Variants in SPO11 observed in about 807,000 individuals in gnomAD.
SPO11 encodes the protein meiotic recombination protein SPO11.
A neutral mutation model predicts 51.6 loss-of-function variants in SPO11; 49 were observed. The ratio of observed to expected loss-of-function variants is 0.95; its 90% CI spans 0.75 to 1.20. SPO11 has a LOEUF of 1.20. Among genes scored for constraint, SPO11 ranks in the 50% most tolerant of loss-of-function variants. The pLI is 0.00. For synonymous variants in SPO11, 176 were observed against 158.2 expected, an observed-to-expected ratio of 1.11 and a Z score of -0.84; for missense variants, 431 against 473.4, an observed-to-expected ratio of 0.91 and a Z score of 0.83.
Position 57,335,888 on chromosome 20 carries a change from C to G in SPO11, c.725C>G (p.Ser242Cys). 2 of 1,606,272 alleles carry G rather than the reference C, an allele frequency of 1.2e-6. No individual in the cohort carries two copies. The highest frequency in any genetic ancestry group is 1.7e-6 in the Non-Finnish European group (2 of 1,173,350). The change falls in exon 8 of 13, where the codon TCT becomes TGT. Residue 242 changes from serine to cysteine, a missense_variant. By Grantham distance (112) the Ser-to-Cys change is moderately radical. Around this residue, in one of 3 missense-constraint regions of SPO11, gnomAD observed 405 missense variants for 425.9 expected, o/e 0.95. Transcript: ENST00000371263. ...GATGACAACTTTTGCAACAAATTGT[C>G]TCCTTGCATCATGATTACGGTATAT... Reference protein sequence around the residue: ...LLDDNFCNKLSPCIMITGKGV... With the variant: ...LLDDNFCNKLCPCIMITGKGV...
chr20:57,341,180 T>G (rs2066577170), intron 11 of SPO11, among the ~76,000 whole-genome samples: 1 of 152,266 alleles, frequency 6.6e-6, no homozygotes, highest in African/African-American at 2.4e-5. Flanking sequence ...TAACTCTAGA[T>G]GTGCTAGTGT....
chr20:57,336,914 A>G (rs1461668202), intron 8 of SPO11, among the ~76,000 whole-genome samples: 1 of 152,160 alleles, frequency 6.6e-6, no homozygotes, highest in Admixed American at 6.5e-5. Flanking sequence ...CGTCACTTTA[A>G]TAATGGGGTA....
chr20:57,342,931 C>T, intron 12 of SPO11, 91 bp downstream of exon 12: 1 of 896,472 alleles, frequency 1.1e-6, no homozygotes, highest in Non-Finnish European at 1.8e-6. Context: ...AAATATCCCT[C>T]TTGAAATTTT....
In SPO11 at chr20:57,329,994, T is replaced by C; in HGVS notation, c.127T>C (p.Ser43Pro). ...CCCAACTGGGGGAAGCCGCCTGGCC[T>C]CCAGGTACAGGAGCTGGTGCCGAGG... is the stretch of plus-strand genomic sequence containing the variant. ...EPPTGGSRLA[S>P]SSEVLASIEN... The change falls in exon 1 of 13, where the codon TCC (serine) becomes CCC (proline). Residue 43 changes from serine (S) to proline (P), a missense_variant. Coordinates refer to ENST00000371263, the MANE Select transcript of SPO11 (RefSeq NM_012444.3). The C allele has an allele frequency of 1.3e-6, 2 of 1,597,168 alleles. No homozygotes were observed. Among genetic ancestry groups the C allele is most frequent in the East Asian group, 2.3e-5 (1 of 44,428 alleles).
chr20:57,339,147 G>A, intron 10 of SPO11, 121 bp downstream of exon 10: 3 of 545,268 alleles, frequency 5.5e-6, no homozygotes, highest in Non-Finnish European at 9.4e-6. Context: ...GTACCTGAGG[G>A]CCTAGTATCC....
intron 3 of SPO11, 109 bp downstream of exon 3, chr20:57,333,385 C>G (rs932418976): frequency 2.8e-6 from 2 of 713,514 alleles, no homozygotes; most frequent in Admixed American, 6.6e-5. Flanking sequence ...TAATAGATCA[C>G]TTTCATACAT....
rs1195156563 is a variant in SPO11 at position 57,331,850 on chromosome 20, C to G, written c.149C>G (p.Ser50Cys). The change falls in exon 2 of 13, where the codon TCT (serine) becomes TGT (cysteine). Residue 50 changes from serine to cysteine, a missense_variant. Physicochemically the swap from Ser to Cys is moderately radical, Grantham distance 112 (BLOSUM62 -1). Around this residue, in one of 3 missense-constraint regions of SPO11, gnomAD observed 405 missense variants for 425.9 expected, o/e 0.95. Transcript: ENST00000371263. ...TGTTTCAGTTCTGAGGTTCTTGCAT[C>G]TATAGAAAATATTATCCAAGACATA... ...RLASSSEVLA[S>C]IENIIQDIIT... is the part of the protein sequence containing the mutation. 6.3e-7 allele frequency: 1 copy of G among 1,589,052 alleles called. No individual in the cohort carries two copies. The highest frequency in any genetic ancestry group is 8.6e-7 in the Non-Finnish European group (1 of 1,167,658).
chr20:57,343,418 A>G lies in SPO11; in HGVS notation c.1149A>G (p.Arg383=), dbSNP rs576700689. ...TCCTATCATCAGATTATCTTTCCAGAGTGTACTTACCTAACAAATTAAAAT... is the reference window on the plus strand; with the variant it reads ...TCCTATCATCAGATTATCTTTCCAGGGTGTACTTACCTAACAAATTAAAAT... ...LTFLSSDYLS[R]VYLPNKLKFG... Residue 383 remains arginine, a synonymous_variant, in exon 13 of 13, where the codon AGA becomes AGG. Coordinates refer to ENST00000371263, the MANE Select transcript of SPO11 (RefSeq NM_012444.3). 7 of 1,611,260 alleles carry G rather than the reference A, an allele frequency of 4.3e-6. No homozygotes were observed. In the East Asian group the frequency reaches 8.9e-5, roughly 21 times the overall value.
In SPO11 at chr20:57,334,095, A is replaced by C. The variant is rs1378861204; in HGVS notation, c.510A>C (p.Ile170=). 7 of 1,382,156 alleles carry C rather than the reference A, an allele frequency of 5.1e-6. No individual in the cohort carries two copies. Among genetic ancestry groups the C allele is most frequent in the Non-Finnish European group, 7.1e-6 (7 of 992,888 alleles). The allele number at this position is 1,382,156 out of a possible 1,614,324, so 85.6% of individuals were successfully genotyped here. A position where few individuals can be genotyped will look rare whatever the true frequency, so the allele number is the denominator to read the frequency against. Residue 170 remains isoleucine (I), a splice_region_variant and synonymous_variant, in exon 5 of 13, where the codon ATA becomes ATC. Transcript: ENST00000371263. ...AAGTGTCAAGGAGGAGTCTACATAT[A>C]GTAAGTAGTACCTAATACAAAACAT... is the stretch of plus-strand genomic sequence containing the variant. The part of the protein sequence containing the change: ...MLKVSRRSLH[I]LSTSKGLIAG...
intron 2 of SPO11, 134 bp downstream of exon 2, chr20:57,332,080 A>G: frequency 1.9e-6 from 1 of 515,440 alleles, no homozygotes; most frequent in Non-Finnish European, 3.3e-6. Flanking sequence ...TAGGAAGTTT[A>G]CGAAATACAT....
intron 3 of SPO11, among the ~76,000 whole-genome samples, chr20:57,333,481 G>A (rs188440288): frequency 1.3e-5 from 2 of 152,268 alleles, no homozygotes; most frequent in East Asian, 3.9e-4. Context: ...ATGGTTCAGT[G>A]CATAATTATC....
In SPO11 at chr20:57,343,374, G is replaced by T; in HGVS notation, c.1105G>T (p.Glu369Ter). The change falls in exon 13 of 13, where the codon GAA becomes TAA. Residue 369 changes from glutamate to a stop codon, truncating the protein, a stop_gained. Coordinates refer to ENST00000371263, the MANE Select transcript of SPO11 (RefSeq NM_012444.3). LOFTEE classifies it high-confidence loss of function. ...AATGGCAGACTCTAAAATGAAGGCAGAAATTCAAGCTTTGACTTTCCTATC... is the reference window on the plus strand; with the variant it reads ...AATGGCAGACTCTAAAATGAAGGCATAAATTCAAGCTTTGACTTTCCTATC... ...EIMADSKMKA[E>*]IQALTFLSSD... 1 of 1,610,404 alleles carries T rather than the reference G, an allele frequency of 6.2e-7. No homozygotes were observed. The highest frequency in any genetic ancestry group is 8.5e-7 in the Non-Finnish European group (1 of 1,178,738).
rs113966274 is a variant in SPO11, at chr20:57,339,124, G to C, written c.882+98G>C. ...TATTAATCACCCCCAAGCAGGCTGAGAGTGCCCAAAGTGTACCTGAGGGCC... is the reference window on the plus strand; with the variant it reads ...TATTAATCACCCCCAAGCAGGCTGACAGTGCCCAAAGTGTACCTGAGGGCC... On this transcript the variant is annotated intron_variant, in intron 10 of 12. Transcript: ENST00000371263. The C allele has an allele frequency of 1.8e-5, 14 of 780,662 alleles. 1 individual carries two copies. The African/African-American group carries it at 2.5e-4, about 14-fold the overall frequency. The allele number at this position is 780,662 out of a possible 1,614,324, so 48.4% of individuals were successfully genotyped here. A position where few individuals can be genotyped will look rare whatever the true frequency, so the allele number is the denominator to read the frequency against.
intron 2 of SPO11, among the ~76,000 whole-genome samples, chr20:57,332,516 AT>A (rs2066462217): frequency 1.3e-5 from 2 of 152,140 alleles, no homozygotes; most frequent in Admixed American, 1.3e-4. Flanking sequence ...AGCCTCTCAT[AT>A]TTTTTAAGAG....
rs2066481926 is a variant in SPO11 at position 57,334,077 on chromosome 20, A to G, written c.492A>G (p.Ser164=). The change falls in exon 5 of 13, where the codon TCA becomes TCG. Residue 164 remains serine, a synonymous_variant. Coordinates refer to ENST00000371263, the MANE Select transcript of SPO11 (RefSeq NM_012444.3). Reference sequence around the variant, plus strand: ...ACATTTCTTGCATGTTAAAAGTGTCAAGGAGGAGTCTACATATAGTAAGTA... The same window carrying G: ...ACATTTCTTGCATGTTAAAAGTGTCGAGGAGGAGTCTACATATAGTAAGTA... ...INDISCMLKV[S]RRSLHILSTS... 7.6e-6 allele frequency: 12 copies of G among 1,573,708 alleles called. No individual in the cohort carries two copies. The highest frequency in any genetic ancestry group is 1.0e-5 in the Non-Finnish European group (12 of 1,154,324).
rs920077304 is a variant in SPO11 at position 57,338,449 on chromosome 20, T to C, written c.844+74T>C. The stretch of plus-strand genomic sequence containing the variant: ...TTTGTTGTTGTGTTTTCTTCCTCTT[T>C]TTTTTTTTTTCTTTTTGAGATTGAG... On this transcript the variant is annotated intron_variant, in intron 9 of 12. Coordinates refer to ENST00000371263, the MANE Select transcript of SPO11 (RefSeq NM_012444.3). 57 of 1,173,572 alleles carry C rather than the reference T, an allele frequency of 4.9e-5. No individual in the cohort carries two copies. The African/African-American group carries it at 7.5e-4, about 15-fold the overall frequency. 72.7% of individuals were successfully genotyped at this position (1,173,572 alleles called of 1,614,324 possible). A position where few individuals can be genotyped will look rare whatever the true frequency, so the allele number is the denominator to read the frequency against.
Position 57,331,949 on chromosome 20 carries a change from G to T in SPO11, c.245+3G>T. The T allele has an allele frequency of 6.5e-7, 1 of 1,544,884 alleles. No homozygotes were observed. Among genetic ancestry groups the T allele is most frequent in the Non-Finnish European group, 8.8e-7 (1 of 1,139,112 alleles). On this transcript the variant is annotated splice_donor_region_variant and intron_variant, in intron 2 of 12. Transcript: ENST00000371263. ...AGATCAAGCTGGGAAAACATAAAGT[G>T]GGCATTTTGCATTTTTATTTTTTAA...
chr20:57,337,460 G>A (rs1251550299), intron 8 of SPO11, among the ~76,000 whole-genome samples: 1 of 152,170 alleles, frequency 6.6e-6, no homozygotes, highest in African/African-American at 2.4e-5. Context: ...CTGCTAAGAA[G>A]TAGCAGAGCT....
At chr20:57,340,276 G>GT (rs2066565467) in intron 11 of SPO11, 98 bp downstream of exon 11, 1 of 701,820 alleles carries the variant, frequency 1.4e-6, no homozygotes. Flanking sequence ...AGCTCTTAAT[G>GT]TTTTTTATTT....
Sources: allele counts gnomAD v4.1 joint callset (sites outside exome capture counted in the v4.1 genomes callset), GRCh38; gene constraint gnomAD v4.1.1; regional missense constraint gnomAD v4.1.1; transcripts MANE v1.5; gene names NCBI Gene and HGNC (gene_info 2026-07-23, HGNC 2026-07-21).